ALX3: variants seen among roughly 807,000 people sequenced by gnomAD.
ALX3 encodes the protein homeobox protein aristaless-like 3.
A neutral mutation model predicts 26.3 loss-of-function variants in ALX3; 17 were observed. The observed-to-expected ratio is 0.65, with a 90% CI of 0.44 to 0.97. The LOEUF (loss-of-function observed/expected upper bound fraction) is 0.97, where lower values mean the gene tolerates loss of function less well. Among genes scored for constraint, ALX3 ranks in the 50% least tolerant of loss-of-function variants. The pLI is 0.00. For missense variants in ALX3, 461 were observed against 466.5 expected (o/e 0.99, Z 0.11); for synonymous variants, 208 against 201.4 (o/e 1.03, Z -0.28).
chr1:110,067,127 C>G (rs1332677649), intron 1 of ALX3, among the ~76,000 whole-genome samples: 2 of 152,150 alleles, frequency 1.3e-5, no homozygotes, highest in Admixed American at 1.3e-4. Context: ...TCAGAGAACA[C>G]AGAGCAGCCT....
In ALX3 at chr1:110,060,657, G is replaced by GTGGCAGAGGTGCTTCCTCCGTGGTGTCC; in HGVS notation, c.*75_*76insGGACACCACGGAGGAAGCACCTCTGCCA. ...AGCCTCCAGAACCATCTGGGGCTTG[G>GTGGCAGAGGTGCTTCCTCCGTGGTGTCC]AGGCAGAGGTGGGCTGGGAGCGACT... On this transcript the variant is annotated 3_prime_UTR_variant, in exon 4 of 4. Transcript: ENST00000647563. 2 of 301,246 alleles carry GTGGCAGAGGTGCTTCCTCCGTGGTGTCC rather than the reference G, an allele frequency of 6.6e-6. No individual in the cohort carries two copies. The highest frequency in any genetic ancestry group is 8.2e-6 in the Non-Finnish European group (2 of 243,564). The allele number at this position is 301,246 out of a possible 1,614,324, so 18.7% of individuals were successfully genotyped here.
Position 110,060,613 on chromosome 1 carries a change from C to T in ALX3, c.*120G>A, listed in dbSNP as rs953466261. On this transcript the variant is annotated 3_prime_UTR_variant, in exon 4 of 4. Transcript: ENST00000647563. Reference sequence around the variant, plus strand: ...TAACGTGTTCCCTGCTGGGGGCTGACAGTGCCAGCTGCTCTCGCAGCCTCC... The same window carrying T: ...TAACGTGTTCCCTGCTGGGGGCTGATAGTGCCAGCTGCTCTCGCAGCCTCC... 4.9e-6 allele frequency: 3 copies of T among 607,366 alleles called. No individual in the cohort carries two copies. Among genetic ancestry groups the T allele is most frequent in the Non-Finnish European group, 6.6e-6 (3 of 454,532 alleles). The allele number at this position is 607,366 out of a possible 1,614,324, so 37.6% of individuals were successfully genotyped here. A position where few individuals can be genotyped will look rare whatever the true frequency, so the allele number is the denominator to read the frequency against.
chr1:110,070,327 G>A lies in ALX3; in HGVS notation c.277+9C>T, dbSNP rs1364537508. 7.7e-7 allele frequency: 1 copy of A among 1,292,708 alleles called. No individual in the cohort carries two copies. Among genetic ancestry groups the A allele is most frequent in the Non-Finnish European group, 9.8e-7 (1 of 1,019,326 alleles). The allele number at this position is 1,292,708 out of a possible 1,614,324, so 80.1% of individuals were successfully genotyped here. A position where few individuals can be genotyped will look rare whatever the true frequency, so the allele number is the denominator to read the frequency against. On this transcript the variant is annotated intron_variant, in intron 1 of 3. Transcript: ENST00000647563. ...CGGGCTGCGCGCTACGCCCCGCGCCGCGCGTTACCTTCCGCGGGGCCCTCG... is the reference window on the plus strand; with the variant it reads ...CGGGCTGCGCGCTACGCCCCGCGCCACGCGTTACCTTCCGCGGGGCCCTCG...
rs1371453367 is a variant in ALX3, at chr1:110,060,856, A to G, written c.909T>C (p.Phe303=). The change falls in exon 4 of 4, where the codon TTT becomes TTC. Residue 303 remains phenylalanine (F), a synonymous_variant. Transcript: ENST00000647563. ...AGCTGTGGCCCCCCAGGGTGGGGGG[A>G]AAGCCATGGATGGAGTAGATGCCAG... ...AHPGIYSIHG[F]PPTLGGHSFE... The G allele has an allele frequency of 4.3e-6, 7 of 1,613,896 alleles. No homozygotes were observed. Among genetic ancestry groups the G allele is most frequent in the Non-Finnish European group, 5.9e-6 (7 of 1,179,936 alleles).
At chr1:110,061,173 C>T (rs1402051810) in intron 3 of ALX3, 132 bp from the exon 4 acceptor site, 4 of 1,130,270 alleles carry the variant, frequency 3.5e-6, no homozygotes, top group Middle Eastern at 2.9e-4. Context: ...AGATCTACCC[C>T]CTCTCACCCC....
At chr1:110,061,781 C>T (rs905015317) in intron 2 of ALX3, 1 of 658,500 alleles carries the variant, frequency 1.5e-6, no homozygotes, top group Admixed American at 3.0e-5. Context: ...GCCCCATGGG[C>T]CTCCAGCTGT....
intron 2 of ALX3, among the ~76,000 whole-genome samples, chr1:110,063,992 G>A (rs1443040272): frequency 6.6e-6 from 1 of 152,054 alleles, no homozygotes; most frequent in East Asian, 2.0e-4. Flanking sequence ...GATTTTGTTA[G>A]GATGGGGAAG....
chr1:110,061,790 G>A, intron 2 of ALX3: 1 of 620,616 alleles, frequency 1.6e-6, no homozygotes, highest in South Asian at 2.0e-5. Context: ...GCCTCCAGCT[G>A]TCACTCCCCA....
At chr1:110,062,733 A>T (rs1360004893) in intron 2 of ALX3, among the ~76,000 whole-genome samples, 1 of 151,760 alleles carries the variant, frequency 6.6e-6, no homozygotes, top group East Asian at 1.9e-4. Context: ...CCAACAGTGA[A>T]GGGGCTGTGC....
chr1:110,061,237 T>C, intron 3 of ALX3, 196 bp from the exon 4 acceptor site: 1 of 1,105,382 alleles, frequency 9.0e-7, no homozygotes, highest in Non-Finnish European at 1.3e-6. Context: ...CAAAACGAAA[T>C]TTTCTTCTGT....
At chr1:110,067,836 C>A (rs1277748831) in intron 1 of ALX3, among the ~76,000 whole-genome samples, 1 of 152,236 alleles carries the variant, frequency 6.6e-6, no homozygotes, top group Non-Finnish European at 1.5e-5. Flanking sequence ...GCCTCGGTGC[C>A]CTTCTTGGGG....
chr1:110,062,529 CAAAAT>C (rs963883214), intron 2 of ALX3: 1 of 150,852 alleles, frequency 6.6e-6, no homozygotes, highest in Non-Finnish European at 1.5e-5. Context: ...TTAACAATGT[CAAAAT>C]AAAACCAACC....
Position 110,061,513 on chromosome 1 carries a change from C to A in ALX3, c.645G>T (p.Gly215=). 6.2e-7 allele frequency: 1 copy of A among 1,614,226 alleles called. No individual in the cohort carries two copies. The highest frequency in any genetic ancestry group is 8.5e-7 in the Non-Finnish European group (1 of 1,180,042). The part of the protein sequence containing the change: ...RAKWRKRERY[G]KIQEGRNPFT... ...AGGGGTTCCGCCCCTCCTGGATCTTCCCATAACGCTCGCGCTTCCGCCACT... is the reference window on the plus strand; with the variant it reads ...AGGGGTTCCGCCCCTCCTGGATCTTACCATAACGCTCGCGCTTCCGCCACT... The change falls in exon 3 of 4, where the codon GGG becomes GGT. Residue 215 remains glycine, a synonymous_variant. Coordinates refer to ENST00000647563, the MANE Select transcript of ALX3 (RefSeq NM_006492.3).
intron 1 of ALX3, among the ~76,000 whole-genome samples, chr1:110,068,140 G>A (rs892188508): frequency 1.3e-5 from 2 of 152,248 alleles, no homozygotes; most frequent in Non-Finnish European, 2.9e-5. Flanking sequence ...CGGACTGCAG[G>A]CGGGAGAAGA....
Position 110,070,444 on chromosome 1 carries a change from G to C in ALX3, c.169C>G (p.Leu57Val). ...GCCGGCTCTGGGAGGTAGGGCTCCAGGGGCCCGCAGGCCGGAAAGCGGGTC... is the reference window on the plus strand; with the variant it reads ...GCCGGCTCTGGGAGGTAGGGCTCCACGGGCCCGCAGGCCGGAAAGCGGGTC... ...RLTRFPACGP[L>V]EPYLPEPAKP... The change falls in exon 1 of 4, where the codon CTG becomes GTG. Residue 57 changes from leucine to valine, a missense_variant. Leu to Val is a conservative substitution (Grantham distance 32). Around this residue, in one of 3 missense-constraint regions of ALX3, gnomAD observed 241 missense variants for 206.1 expected, o/e 1.17. Transcript: ENST00000647563. 1 of 1,258,108 alleles carries C rather than the reference G, an allele frequency of 7.9e-7. No homozygotes were observed. Among genetic ancestry groups the C allele is most frequent in the Non-Finnish European group, 1.0e-6 (1 of 1,002,704 alleles). 77.9% of individuals were successfully genotyped at this position (1,258,108 alleles called of 1,614,324 possible). A position where few individuals can be genotyped will look rare whatever the true frequency, so the allele number is the denominator to read the frequency against.
At chr1:110,066,155 G>A (rs976529764) in intron 1 of ALX3, among the ~76,000 whole-genome samples, 1 of 152,250 alleles carries the variant, frequency 6.6e-6, no homozygotes, top group Non-Finnish European at 1.5e-5. Flanking sequence ...GGCCTCTCAG[G>A]ATCTGGGTCT....
chr1:110,070,653 G>A lies in ALX3; in HGVS notation c.-41C>T. On this transcript the variant is annotated 5_prime_UTR_variant, in exon 1 of 4. Transcript: ENST00000647563. ...ACAGGCCTCCGGGGCTCCGGGGCTC[G>A]CGCTGCCCGCGCCGCCTGTGAGCGC... is the stretch of plus-strand genomic sequence containing the variant. 2 of 1,191,672 alleles carry A rather than the reference G, an allele frequency of 1.7e-6. No homozygotes were observed. Among genetic ancestry groups the A allele is most frequent in the East Asian group, 3.6e-5 (1 of 28,098 alleles). The allele number at this position is 1,191,672 out of a possible 1,614,324, so 73.8% of individuals were successfully genotyped here.
At position 110,064,992 on chromosome 1, in the gene ALX3, C is replaced by T; in HGVS notation, c.278-89G>A. 12 of 1,295,902 alleles carry T rather than the reference C, an allele frequency of 9.3e-6. No individual in the cohort carries two copies. In the South Asian group the frequency reaches 1.2e-4, roughly 13 times the overall value. 80.3% of individuals were successfully genotyped at this position (1,295,902 alleles called of 1,614,324 possible). ...GAGGGAGGGGGAAGAACATTGACGC[C>T]TCAGTCTCCGCCTCCCCCTTCCTTT... is the stretch of plus-strand genomic sequence containing the variant. On this transcript the variant is annotated intron_variant, in intron 1 of 3. Coordinates refer to ENST00000647563, the MANE Select transcript of ALX3 (RefSeq NM_006492.3).
rs1653589667 is a variant in ALX3, at chr1:110,060,004, A to AC, written c.*728_*729insG. On this transcript the variant is annotated 3_prime_UTR_variant, in exon 4 of 4. Transcript: ENST00000647563. ...TGGGGATCAGGATCTCAGTCTGTAG[A>AC]AATCTGTTTTATTCTTACCAACATC... The AC allele has an allele frequency of 6.6e-6, 1 of 151,884 alleles. No homozygotes were observed. The highest frequency in any genetic ancestry group is 1.5e-5 in the Non-Finnish European group (1 of 67,996). 9.4% of individuals were successfully genotyped at this position (151,884 alleles called of 1,614,324 possible). A position where few individuals can be genotyped will look rare whatever the true frequency, so the allele number is the denominator to read the frequency against.
Sources: allele counts gnomAD v4.1 joint callset (sites outside exome capture counted in the v4.1 genomes callset), GRCh38; gene constraint gnomAD v4.1.1; regional missense constraint gnomAD v4.1.1; transcripts MANE v1.5; gene names NCBI Gene and HGNC (gene_info 2026-07-23, HGNC 2026-07-21).